Variants in TMX3 observed in about 807,000 individuals in gnomAD.
TMX3 encodes protein disulfide-isomerase TMX3.
Under a neutral mutation model 64.4 loss-of-function variants are expected in TMX3, and 40 were observed. The observed-to-expected ratio is 0.62, with a 90% CI of 0.48 to 0.81. The LOEUF (loss-of-function observed/expected upper bound fraction) is 0.81. Among genes scored for constraint, TMX3 ranks in the 30% least tolerant of loss-of-function variants. The pLI is 0.00. For missense variants in TMX3, 497 were observed against 534.5 expected (o/e 0.93, Z 0.69); for synonymous variants, 189 against 175.7 (o/e 1.08, Z -0.60).
chr18:68,709,913 T>A, intron 4 of TMX3, 108 bp downstream of exon 4: 1 of 1,055,062 alleles, frequency 9.5e-7, no homozygotes, highest in Non-Finnish European at 1.3e-6. Context: ...ATTAAGTTAA[T>A]TGAATTTTAC....
intron 8 of TMX3, among the ~76,000 whole-genome samples, chr18:68,694,102 C>T (rs185583876): frequency 3.3e-5 from 5 of 152,200 alleles, no homozygotes; most frequent in East Asian, 3.9e-4. Flanking sequence ...TTCCTGGATG[C>T]GGGACAAGAA....
chr18:68,697,182 T>A, intron 8 of TMX3, 44 bp downstream of exon 8: 1 of 1,002,786 alleles, frequency 1.0e-6, no homozygotes, highest in Non-Finnish European at 1.5e-6. Context: ...AGTAATAATT[T>A]AATAAATAAA....
chr18:68,693,252 C>A (rs1234290390), intron 8 of TMX3, among the ~76,000 whole-genome samples: 2 of 152,262 alleles, frequency 1.3e-5, no homozygotes, highest in East Asian at 3.9e-4. Context: ...GCAGGGGAGG[C>A]GCAGCAGGGA....
chr18:68,707,930 T>TA (rs2030842351), intron 4 of TMX3, among the ~76,000 whole-genome samples: 1 of 149,496 alleles, frequency 6.7e-6, no homozygotes, highest in East Asian at 2.0e-4. Flanking sequence ...TGTATATGTG[T>TA]ATATATGTGT....
chr18:68,678,017 A>G (rs1171466184), intron 15 of TMX3, among the ~76,000 whole-genome samples: 1 of 152,136 alleles, frequency 6.6e-6, no homozygotes, highest in East Asian at 1.9e-4. Context: ...GGAAAAGGGA[A>G]GGAAAGTGAT....
intron 14 of TMX3, among the ~76,000 whole-genome samples, chr18:68,679,915 G>T (rs1913258875): frequency 6.6e-6 from 1 of 152,166 alleles, no homozygotes; most frequent in African/African-American, 2.4e-5. Context: ...GGATGAAAGT[G>T]CTGAAGGGAA....
At chr18:68,697,201 G>T (rs541340502) in intron 8 of TMX3, 25 bp downstream of exon 8, 9 of 1,267,342 alleles carry the variant, frequency 7.1e-6, no homozygotes, top group Admixed American at 2.2e-5. Context: ...AAATTGTGTC[G>T]TTAAAATCAA....
At chr18:68,684,724 A>C (rs1176945091) in intron 10 of TMX3, among the ~76,000 whole-genome samples, 1 of 152,210 alleles carries the variant, frequency 6.6e-6, no homozygotes, top group Non-Finnish European at 1.5e-5. Context: ...TATAAATAAG[A>C]GTAAATATGT....
rs17079578 is a variant in TMX3 at position 68,699,111 on chromosome 18, T to G, written c.393-1080A>C. On this transcript the variant is annotated intron_variant, in intron 6 of 15. Coordinates refer to ENST00000299608, the MANE Select transcript of TMX3 (RefSeq NM_019022.5). ...ATACATAATTTTCACTCTATCACATTTATAAAAAGAACATAGAAAGGCAAA... is the reference window on the plus strand; with the variant it reads ...ATACATAATTTTCACTCTATCACATGTATAAAAAGAACATAGAAAGGCAAA... Among the ~76,000 whole-genome samples the G allele has an allele frequency of 8.5e-3, 1,290 of 152,214 alleles. 6 individuals are homozygous for G. The highest frequency in any genetic ancestry group is 0.015 in the South Asian group (71 of 4,820).
chr18:68,694,810 T>C (rs1212332544), intron 8 of TMX3, among the ~76,000 whole-genome samples: 1 of 152,170 alleles, frequency 6.6e-6, no homozygotes, highest in Non-Finnish European at 1.5e-5. Flanking sequence ...GTACATAAGA[T>C]AAACATCTAC....
chr18:68,679,403 G>T, intron 15 of TMX3, 60 bp downstream of exon 15: 1 of 1,395,774 alleles, frequency 7.2e-7, no homozygotes, highest in Non-Finnish European at 9.9e-7. Context: ...TTTTAACACA[G>T]CTAGACATAA....
At chr18:68,709,209 G>A (rs1374064064) in intron 4 of TMX3, among the ~76,000 whole-genome samples, 1 of 152,158 alleles carries the variant, frequency 6.6e-6, no homozygotes, top group African/African-American at 2.4e-5. Flanking sequence ...CACAGCAAAA[G>A]TAGCAGGCAG....
chr18:68,700,998 TCTGTGTGC>T, intron 5 of TMX3: 1 of 985,276 alleles, frequency 1.0e-6, no homozygotes. Context: ...AATGAATTAA[TCTGTGTGC>T]CTAATTAACT....
chr18:68,691,836 A>T, intron 8 of TMX3, among the ~76,000 whole-genome samples: 1 of 152,230 alleles, frequency 6.6e-6, no homozygotes, highest in Admixed American at 6.5e-5. Context: ...TTACAGTAGT[A>T]ATAAGGGATC....
chr18:68,712,383 C>T (rs2031373593), intron 2 of TMX3, among the ~76,000 whole-genome samples: 1 of 152,156 alleles, frequency 6.6e-6, no homozygotes, highest in Non-Finnish European at 1.5e-5. Context: ...GTTATGGTGT[C>T]TTCTCACAAC....
At chr18:68,685,410 T>C (rs1023284573) in intron 10 of TMX3, among the ~76,000 whole-genome samples, 3 of 152,222 alleles carry the variant, frequency 2.0e-5, no homozygotes, top group African/African-American at 7.2e-5. Flanking sequence ...CCTTCAGTCT[T>C]CTAACTCTCT....
intron 10 of TMX3, 138 bp downstream of exon 10, chr18:68,687,529 A>G: frequency 2.1e-6 from 3 of 1,430,202 alleles, no homozygotes; most frequent in Non-Finnish European, 2.7e-6. Flanking sequence ...ACATTCTCGT[A>G]AAGAACTGGC....
chr18:68,687,341 T>C, intron 10 of TMX3: 1 of 985,410 alleles, frequency 1.0e-6, no homozygotes, highest in Non-Finnish European at 1.2e-6. Flanking sequence ...TTGTGCTAAG[T>C]TTTATTTTAA....
intron 8 of TMX3, among the ~76,000 whole-genome samples, chr18:68,691,977 C>T (rs1914568760): frequency 6.6e-6 from 1 of 151,650 alleles, no homozygotes; most frequent in African/African-American, 2.4e-5. Flanking sequence ...CATGTTAATA[C>T]TGAAAATAAT....
Sources: gnomAD v4.1 joint callset for allele counts (sites outside exome capture counted in the v4.1 genomes callset) on GRCh38, gnomAD v4.1.1 for gene constraint, MANE v1.5 for transcripts, NCBI Gene and HGNC (gene_info 2026-07-23, HGNC 2026-07-21) for gene names.